EPB41L4A: variants seen among roughly 807,000 people sequenced by gnomAD.
EPB41L4A encodes the protein erythrocyte membrane protein band 4.1 like 4A, also known as band 4.1-like protein 4A.
A neutral mutation model predicts 108.6 loss-of-function variants in EPB41L4A; 100 were observed. The ratio of observed to expected loss-of-function variants is 0.92; its 90% CI spans 0.78 to 1.09. EPB41L4A has a LOEUF of 1.09. Among genes scored for constraint, EPB41L4A ranks in the 50% least tolerant of loss-of-function variants. The pLI, the probability that EPB41L4A is intolerant of heterozygous loss-of-function variation, is 0.00. For synonymous variants in EPB41L4A, 319 were observed against 289.0 expected (o/e 1.10, Z -1.05); for missense variants, 1,030 against 842.7 (o/e 1.22, Z -2.75).
At chr5:112,241,357 C>G (rs376624730) in intron 9 of EPB41L4A, among the ~76,000 whole-genome samples, 2 of 152,136 alleles carry the variant, frequency 1.3e-5, no homozygotes, top group African/African-American at 4.8e-5. Flanking sequence ...CTGAGTGGAT[C>G]AAATTCAACA....
chr5:112,398,135 C>T (rs554740252), intron 1 of EPB41L4A, among the ~76,000 whole-genome samples: 7 of 152,222 alleles, frequency 4.6e-5, no homozygotes, highest in South Asian at 2.1e-4. Flanking sequence ...ACACAGCTTT[C>T]GAGATGGAAG....
chr5:112,292,193 T>C (rs932164973), intron 2 of EPB41L4A, among the ~76,000 whole-genome samples: 2 of 152,230 alleles, frequency 1.3e-5, no homozygotes, highest in African/African-American at 4.8e-5. Context: ...TGAGACACAG[T>C]GGCTGCCTGG....
At chr5:112,177,970 A>G (rs894198433) in intron 18 of EPB41L4A, among the ~76,000 whole-genome samples, 1 of 152,100 alleles carries the variant, frequency 6.6e-6, no homozygotes, top group African/African-American at 2.4e-5. Context: ...ATATCGCAAA[A>G]TACAAATAAT....
At chr5:112,202,850 T>C (rs1034469900) in intron 15 of EPB41L4A, among the ~76,000 whole-genome samples, 15 of 152,192 alleles carry the variant, frequency 9.9e-5, no homozygotes, top group African/African-American at 2.9e-4. Context: ...ACCTGCAGTG[T>C]GCACAAAAAG....
chr5:112,340,487 T>G (rs184095469), intron 1 of EPB41L4A, among the ~76,000 whole-genome samples: 36 of 152,288 alleles, frequency 2.4e-4, no homozygotes, highest in Admixed American at 5.2e-4. Flanking sequence ...ACACTTCTTA[T>G]CTGCCTCTCT....
At chr5:112,262,422 G>T in intron 7 of EPB41L4A, 72 bp downstream of exon 7, 3 of 1,245,084 alleles carry the variant, frequency 2.4e-6, no homozygotes, top group Non-Finnish European at 3.5e-6. Context: ...GCTTTCCTTT[G>T]GGAGTCTCAG....
chr5:112,303,756 T>G (rs183814592), intron 2 of EPB41L4A, among the ~76,000 whole-genome samples: 1 of 152,078 alleles, frequency 6.6e-6, no homozygotes, highest in Non-Finnish European at 1.5e-5. Flanking sequence ...AAAAGCTGCA[T>G]GGTGATATGT....
At chr5:112,265,460 G>A (rs1356658118) in intron 5 of EPB41L4A, among the ~76,000 whole-genome samples, 5 of 152,030 alleles carry the variant, frequency 3.3e-5, no homozygotes, top group African/African-American at 1.2e-4. Context: ...GCAATACAAT[G>A]CTGCACATAT....
intron 11 of EPB41L4A, among the ~76,000 whole-genome samples, chr5:112,236,873 G>A (rs947502070): frequency 1.3e-5 from 2 of 152,292 alleles, no homozygotes; most frequent in East Asian, 1.9e-4. Flanking sequence ...CTCTTTGGCA[G>A]GTCATTGTGT....
rs202168640 is a variant in EPB41L4A, at chr5:112,206,101, C to G, written c.1179-597G>C. The G allele has an allele frequency of 3.9e-5, 6 of 152,394 alleles. No individual in the cohort carries two copies. The East Asian group carries it at 7.7e-4, about 20-fold the overall frequency. The allele number at this position is 152,394 out of a possible 1,614,324, so 9.4% of individuals were successfully genotyped here. On this transcript the variant is annotated intron_variant, in intron 13 of 22. Coordinates refer to ENST00000261486, the MANE Select transcript of EPB41L4A (RefSeq NM_022140.5). ...GTAAATGTAACTGAGTTGTTCTACC[C>G]TCAACAAATTGTTTTAGAAACCCCT... is the stretch of plus-strand genomic sequence containing the variant.
intron 1 of EPB41L4A, among the ~76,000 whole-genome samples, chr5:112,380,094 G>C (rs538410809): frequency 6.6e-6 from 1 of 152,264 alleles, no homozygotes; most frequent in East Asian, 1.9e-4. Context: ...ATGTCTCCCT[G>C]CTCTTGGAGA....
chr5:112,167,908 G>A (rs1580354650), intron 22 of EPB41L4A, among the ~76,000 whole-genome samples: 1 of 152,302 alleles, frequency 6.6e-6, no homozygotes, highest in East Asian at 1.9e-4. Context: ...TCCAAAAACT[G>A]TACATGTGCT....
chr5:112,308,904 G>A (rs1371821329), intron 1 of EPB41L4A, among the ~76,000 whole-genome samples: 3 of 152,132 alleles, frequency 2.0e-5, no homozygotes, highest in African/African-American at 7.2e-5. Context: ...AAAAAGAGGG[G>A]AATAAAGGAA....
intron 1 of EPB41L4A, among the ~76,000 whole-genome samples, chr5:112,365,006 C>A (rs76889225): frequency 0.017 from 2,568 of 152,050 alleles, 79 homozygotes; most frequent in African/African-American, 0.058. Flanking sequence ...ATAAAAGATA[C>A]CTATTTCTCA....
chr5:112,174,725 C>G (rs1485610639), intron 18 of EPB41L4A, among the ~76,000 whole-genome samples: 1 of 152,116 alleles, frequency 6.6e-6, no homozygotes, highest in Non-Finnish European at 1.5e-5. Context: ...AATATATTTA[C>G]TATATTTTGT....
intron 1 of EPB41L4A, among the ~76,000 whole-genome samples, chr5:112,360,608 G>A (rs894393566): frequency 6.6e-6 from 1 of 152,206 alleles, no homozygotes; most frequent in Non-Finnish European, 1.5e-5. Flanking sequence ...GCAGTGGCGT[G>A]ATCTCGGCTC....
chr5:112,365,789 G>T (rs1759086762), intron 1 of EPB41L4A, among the ~76,000 whole-genome samples: 1 of 152,124 alleles, frequency 6.6e-6, no homozygotes, highest in Admixed American at 6.5e-5. Context: ...TGAGTTTGAT[G>T]ACCTTGATGG....
chr5:112,260,428 A>T (rs1217212566), intron 7 of EPB41L4A, among the ~76,000 whole-genome samples: 1 of 152,248 alleles, frequency 6.6e-6, no homozygotes, highest in East Asian at 1.9e-4. Flanking sequence ...CTGTACAGTT[A>T]AAGACTGAGA....
chr5:112,161,184 T>C (rs1326830128), downstream of EPB41L4A: 6 of 249,138 alleles, frequency 2.4e-5, no homozygotes, highest in Non-Finnish European at 4.1e-5. Context: ...CCTTACCGTA[T>C]AACTGACTTT....
Sources: gnomAD v4.1 joint callset for allele counts (sites outside exome capture counted in the v4.1 genomes callset) on GRCh38, gnomAD v4.1.1 for gene constraint, MANE v1.5 for transcripts, NCBI Gene and HGNC (gene_info 2026-07-23, HGNC 2026-07-21) for gene names.